The following DPYD variants were observed in gnomAD, a reference collection of about 807,000 sequenced individuals.
DPYD encodes the protein dihydropyrimidine dehydrogenase, also known as dihydropyrimidine dehydrogenase [NADP(+)].
In DPYD, 109 loss-of-function variants were observed where a neutral mutation model predicts 116.2. The observed-to-expected ratio is 0.94, with a 90% CI of 0.80 to 1.10. DPYD has a LOEUF of 1.10. Ranked by LOEUF, DPYD falls within the 50% of genes least tolerant of loss-of-function variation. The probability of loss-of-function intolerance (pLI) is 0.00; values close to 1 mark genes in which losing one functional copy is unlikely to be tolerated. For missense variants in DPYD, 1,302 were observed against 1,254.5 expected (o/e 1.04, Z -0.57); for synonymous variants, 440 against 432.0 (o/e 1.02, Z -0.23).
At chr1:97,737,102 C>G (rs1335748492) in intron 4 of DPYD, among the ~76,000 whole-genome samples, 1 of 152,084 alleles carries the variant, frequency 6.6e-6, no homozygotes, top group African/African-American at 2.4e-5. Context: ...CTATTACGGA[C>G]ATTTTCTAAA....
At chr1:97,234,297 T>A (rs969988426) in intron 19 of DPYD, among the ~76,000 whole-genome samples, 2 of 152,168 alleles carry the variant, frequency 1.3e-5, no homozygotes, top group Admixed American at 1.3e-4. Flanking sequence ...GGGGTATTAT[T>A]AAGAGTACAA....
intron 2 of DPYD, chr1:97,855,833 G>A (rs78411707): frequency 0.056 from 8,537 of 152,220 alleles, 311 homozygotes; most frequent in South Asian, 0.1. Flanking sequence ...GGAAGAGGGA[G>A]CAAACATACT....
intron 8 of DPYD, among the ~76,000 whole-genome samples, chr1:97,629,445 G>A (rs1389009278): frequency 6.6e-6 from 1 of 152,054 alleles, no homozygotes; most frequent in Admixed American, 6.6e-5. Flanking sequence ...GGCAGTTGGT[G>A]CATGAAGGGG....
intron 3 of DPYD, among the ~76,000 whole-genome samples, chr1:97,772,754 A>G (rs1666208875): frequency 6.6e-6 from 1 of 152,218 alleles, no homozygotes; most frequent in African/African-American, 2.4e-5. Context: ...AACAACAACA[A>G]CATACAAACA....
At chr1:97,583,935 A>G (rs372202779) in intron 10 of DPYD, among the ~76,000 whole-genome samples, 3 of 152,160 alleles carry the variant, frequency 2.0e-5, no homozygotes, top group African/African-American at 4.8e-5. Context: ...ACCCAGTAAT[A>G]GGATGGCTGG....
At chr1:97,163,979 A>G (rs182245226) in intron 20 of DPYD, among the ~76,000 whole-genome samples, 13 of 152,310 alleles carry the variant, frequency 8.5e-5, no homozygotes. Flanking sequence ...AAAAATAAAG[A>G]AAACTTCAGG....
intron 17 of DPYD, 131 bp from the exon 18 acceptor site, chr1:97,305,509 T>G: frequency 7.9e-7 from 1 of 1,259,582 alleles, no homozygotes; most frequent in Non-Finnish European, 1.1e-6. Context: ...TCAAAGTTCT[T>G]CACTAATTTA....
chr1:97,844,769 G>A (rs1670209129), intron 2 of DPYD, among the ~76,000 whole-genome samples: 2 of 152,182 alleles, frequency 1.3e-5, no homozygotes, highest in African/African-American at 4.8e-5. Flanking sequence ...CCCAGCTGTG[G>A]CTCCAGACCT....
intron 7 of DPYD, chr1:97,691,143 A>T (rs1660988818): frequency 6.5e-6 from 1 of 152,760 alleles, no homozygotes; most frequent in South Asian, 2.1e-4. Context: ...GAATATTTAA[A>T]GCTATATGCT....
chr1:97,723,830 T>C (rs1663059671), intron 4 of DPYD, among the ~76,000 whole-genome samples: 1 of 151,638 alleles, frequency 6.6e-6, no homozygotes, highest in Non-Finnish European at 1.5e-5. Flanking sequence ...ATTTACCTCA[T>C]TAACAAATAC....
intron 14 of DPYD, among the ~76,000 whole-genome samples, chr1:97,436,899 C>T (rs960995226): frequency 3.3e-5 from 5 of 151,926 alleles, no homozygotes; most frequent in Middle Eastern, 3.4e-3. Context: ...AGCGATTCAA[C>T]TCAACCTAAA....
intron 13 of DPYD, among the ~76,000 whole-genome samples, chr1:97,508,064 G>C (rs941925040): frequency 2.0e-5 from 3 of 151,858 alleles, no homozygotes; most frequent in Non-Finnish European, 4.4e-5. Flanking sequence ...CTTGGCACTG[G>C]GCATGCTGTA....
At chr1:97,288,237 G>A (rs1229526463) in intron 18 of DPYD, among the ~76,000 whole-genome samples, 12 of 146,912 alleles carry the variant, frequency 8.2e-5, no homozygotes, top group Non-Finnish European at 1.5e-4. Flanking sequence ...AATAATAATG[G>A]GAGAATTTAA....
intron 13 of DPYD, among the ~76,000 whole-genome samples, chr1:97,495,443 CT>C (rs764489680): frequency 5.3e-5 from 8 of 152,086 alleles, no homozygotes; most frequent in Non-Finnish European, 8.8e-5. Flanking sequence ...GTAAATCATT[CT>C]GTTTTTCAAC....
chr1:97,840,860 A>G (rs1258538300), intron 2 of DPYD, among the ~76,000 whole-genome samples: 2 of 152,112 alleles, frequency 1.3e-5, no homozygotes, highest in Non-Finnish European at 2.9e-5. Flanking sequence ...ATACATACGA[A>G]GTTTCCAAAA....
intron 19 of DPYD, among the ~76,000 whole-genome samples, chr1:97,223,888 CTTCATGAAGAA>C (rs1660941930): frequency 6.6e-6 from 1 of 151,968 alleles, no homozygotes; most frequent in South Asian, 2.1e-4. Context: ...TTATTTTTCT[CTTCATGAAGAA>C]ATAATTGGCA....
chr1:97,296,962 AT>A (rs1445647264), intron 18 of DPYD, among the ~76,000 whole-genome samples: 5 of 152,140 alleles, frequency 3.3e-5, no homozygotes, highest in Non-Finnish European at 7.4e-5. Context: ...CATTTAAAGA[AT>A]TCATATTTGC....
At chr1:97,418,194 T>C (rs980617644) in intron 14 of DPYD, among the ~76,000 whole-genome samples, 3 of 152,172 alleles carry the variant, frequency 2.0e-5, no homozygotes, top group Non-Finnish European at 4.4e-5. Context: ...GAAATACATA[T>C]AATGTATTTA....
At chr1:97,694,339 C>T (rs963541563) in intron 6 of DPYD, among the ~76,000 whole-genome samples, 6 of 152,010 alleles carry the variant, frequency 3.9e-5, no homozygotes, top group African/African-American at 7.3e-5. Context: ...AGCAAATAGA[C>T]GAAACACATA....
Sources: gnomAD v4.1 joint callset for allele counts (sites outside exome capture counted in the v4.1 genomes callset) on GRCh38, gnomAD v4.1.1 for gene constraint, MANE v1.5 for transcripts, NCBI Gene and HGNC (gene_info 2026-07-23, HGNC 2026-07-21) for gene names.